The following UBE2D1 variants were observed in gnomAD, a reference collection of about 807,000 sequenced individuals.
The protein encoded by UBE2D1 is ubiquitin conjugating enzyme E2 D1.
UBE2D1 carries 9 observed loss-of-function variants against 24.6 expected under a neutral mutation model. The observed-to-expected ratio is 0.37, with a 90% CI of 0.22 to 0.64. The LOEUF is 0.64. Ranked by LOEUF, UBE2D1 falls within the 30% of genes least tolerant of loss-of-function variation. The pLI, the probability that UBE2D1 is intolerant of heterozygous loss-of-function variation, is 0.64. For missense variants in UBE2D1, 87 were observed against 177.1 expected, an observed-to-expected ratio of 0.49 and a Z score of 2.89; for synonymous variants, 57 against 57.6, an observed-to-expected ratio of 0.99 and a Z score of 0.04.
intron 3 of UBE2D1, among the ~76,000 whole-genome samples, 155 bp downstream of exon 3, chr10:58,361,681 C>T (rs1840200351): frequency 1.3e-5 from 2 of 152,082 alleles, no homozygotes; most frequent in Admixed American, 1.3e-4. Flanking sequence ...CAATGATTTT[C>T]CAAAGCATTG....
At chr10:58,354,024 C>T (rs542301636) in intron 1 of UBE2D1, among the ~76,000 whole-genome samples, 85 of 152,038 alleles carry the variant, frequency 5.6e-4, no homozygotes, top group Non-Finnish European at 2.8e-4. Context: ...AAAAACATTC[C>T]GGTAGAAGAG....
intron 6 of UBE2D1, 40 bp downstream of exon 6, chr10:58,368,056 C>G (rs1840275715): frequency 7.2e-7 from 1 of 1,395,336 alleles, no homozygotes; most frequent in East Asian, 2.3e-5. Flanking sequence ...TGGATACATT[C>G]CTATATAGTA....
intron 1 of UBE2D1, among the ~76,000 whole-genome samples, chr10:58,359,817 C>A (rs1483046371): frequency 1.3e-5 from 2 of 152,202 alleles, no homozygotes; most frequent in Non-Finnish European, 2.9e-5. Context: ...CCCTAATCTT[C>A]ATCATACATA....
intron 1 of UBE2D1, among the ~76,000 whole-genome samples, chr10:58,336,120 A>G (rs1193567515): frequency 1.3e-5 from 2 of 152,112 alleles, no homozygotes; most frequent in African/African-American, 4.8e-5. Context: ...TATTGCCACC[A>G]TTTCAGATGC....
chr10:58,353,843 A>G (rs1048350135), intron 1 of UBE2D1, among the ~76,000 whole-genome samples: 5 of 152,176 alleles, frequency 3.3e-5, no homozygotes, highest in African/African-American at 1.2e-4. Context: ...TGATTCTCTA[A>G]TCACTTGCAT....
At chr10:58,361,205 T>C in intron 1 of UBE2D1, 133 bp from the exon 2 acceptor site, 1 of 864,954 alleles carries the variant, frequency 1.2e-6, no homozygotes, top group East Asian at 2.6e-5. Context: ...CAGAGTACAA[T>C]TTATGTTTTT....
intron 1 of UBE2D1, among the ~76,000 whole-genome samples, chr10:58,358,658 T>C (rs1840159165): frequency 2.0e-5 from 3 of 152,168 alleles, no homozygotes; most frequent in Admixed American, 1.3e-4. Flanking sequence ...CCCAAGATCA[T>C]GTGGGAAGTG....
At chr10:58,336,594 G>C (rs1419538401) in intron 1 of UBE2D1, among the ~76,000 whole-genome samples, 2 of 152,142 alleles carry the variant, frequency 1.3e-5, no homozygotes, top group African/African-American at 4.8e-5. Context: ...CATTTATTAA[G>C]TAATAATGTT....
At chr10:58,358,253 G>A (rs1374406591) in intron 1 of UBE2D1, among the ~76,000 whole-genome samples, 2 of 152,046 alleles carry the variant, frequency 1.3e-5, no homozygotes, top group Non-Finnish European at 2.9e-5. Context: ...TAAAACTACA[G>A]AGACTATCAT....
At chr10:58,350,655 G>A (rs902636555) in intron 1 of UBE2D1, among the ~76,000 whole-genome samples, 2 of 151,942 alleles carry the variant, frequency 1.3e-5, no homozygotes, top group African/African-American at 4.8e-5. Flanking sequence ...TGCTCTTTGT[G>A]TCCTGTTAAA....
intron 1 of UBE2D1, among the ~76,000 whole-genome samples, chr10:58,338,669 G>A (rs1308265955): frequency 1.3e-5 from 2 of 150,362 alleles, no homozygotes; most frequent in Non-Finnish European, 3.0e-5. Flanking sequence ...AAACTAAAGG[G>A]CAAAAAAAAG....
intron 1 of UBE2D1, among the ~76,000 whole-genome samples, chr10:58,357,966 C>G (rs1840150720): frequency 6.6e-6 from 1 of 151,968 alleles, no homozygotes; most frequent in Non-Finnish European, 1.5e-5. Flanking sequence ...TCTTCCTTAG[C>G]CCTAACTTCT....
At chr10:58,360,995 G>A (rs1840190763) in intron 1 of UBE2D1, 2 of 455,130 alleles carry the variant, frequency 4.4e-6, no homozygotes, top group South Asian at 3.4e-5. Context: ...ATTGTAACCT[G>A]TTAAAATAGT....
At chr10:58,351,439 A>G (rs1031562192) in intron 1 of UBE2D1, among the ~76,000 whole-genome samples, 1 of 152,092 alleles carries the variant, frequency 6.6e-6, no homozygotes, top group African/African-American at 2.4e-5. Context: ...TTTGTTAAAA[A>G]CTAAGACACA....
intron 1 of UBE2D1, among the ~76,000 whole-genome samples, chr10:58,357,780 G>A (rs1168450147): frequency 3.3e-5 from 5 of 152,090 alleles, no homozygotes; most frequent in African/African-American, 4.8e-5. Flanking sequence ...AAAAGTGTAG[G>A]TTATGTAAGT....
chr10:58,364,024 T>C (rs1840228187), intron 4 of UBE2D1, among the ~76,000 whole-genome samples: 1 of 151,328 alleles, frequency 6.6e-6, no homozygotes, highest in South Asian at 2.1e-4. Context: ...TGATCATTCT[T>C]TCTCTGTTTT....
rs1164437237 is a variant in UBE2D1 at position 58,349,556 on chromosome 10, A to C, written c.25-11782A>C. 2.0e-5 allele frequency among the ~76,000 whole-genome samples: 3 copies of C among 152,152 alleles called. No individual in the cohort carries two copies. In the East Asian group the frequency reaches 5.8e-4, roughly 29 times the overall value. The stretch of plus-strand genomic sequence containing the variant: ...CATATACAGATTTATTACTAGTCTT[A>C]TTATTTGATAGCCATCTTTTCCATT... On this transcript the variant is annotated intron_variant, in intron 1 of 6. Coordinates refer to ENST00000373910, the MANE Select transcript of UBE2D1 (RefSeq NM_003338.5).
At chr10:58,339,325 C>T (rs1356216913) in intron 1 of UBE2D1, among the ~76,000 whole-genome samples, 3 of 152,110 alleles carry the variant, frequency 2.0e-5, no homozygotes, top group Admixed American at 2.0e-4. Context: ...AGGCTAGTCT[C>T]GAACTCCTGA....
At chr10:58,348,182 G>A (rs1398239391) in intron 1 of UBE2D1, among the ~76,000 whole-genome samples, 1 of 152,192 alleles carries the variant, frequency 6.6e-6, no homozygotes, top group Non-Finnish European at 1.5e-5. Context: ...TCAGCATTTT[G>A]AAGTCTTCCA....
Sources: gnomAD v4.1 joint callset for allele counts (sites outside exome capture counted in the v4.1 genomes callset) on GRCh38, gnomAD v4.1.1 for gene constraint, MANE v1.5 for transcripts, NCBI Gene and HGNC (gene_info 2026-07-23, HGNC 2026-07-21) for gene names.